Variants in COL21A1 observed in about 807,000 individuals in gnomAD.
The protein encoded by COL21A1 is collagen type XXI alpha 1 chain, also known as collagen alpha-1(XXI) chain.
Under a neutral mutation model 137.9 loss-of-function variants are expected in COL21A1, and 149 were observed. The observed-to-expected ratio is 1.08, with a 90% CI of 0.95 to 1.24. The LOEUF (loss-of-function observed/expected upper bound fraction) is 1.24, where lower values mean the gene tolerates loss of function less well. COL21A1 is among the 50% of genes most tolerant of loss of function. The pLI is 0.00. For synonymous variants in COL21A1, 456 were observed against 391.5 expected (o/e 1.16, Z -1.95); for missense variants, 1,167 against 1,158.4 (o/e 1.01, Z -0.11).
chr6:56,353,469 C>A (rs1765762197), intron 1 of COL21A1, among the ~76,000 whole-genome samples: 1 of 152,118 alleles, frequency 6.6e-6, no homozygotes, highest in Non-Finnish European at 1.5e-5. Flanking sequence ...CAGAAGCCTC[C>A]AGATGACCCA....
rs767488083 is a variant in COL21A1 at position 56,061,645 on chromosome 6, A to C, written c.2205+4T>G. On this transcript the variant is annotated splice_donor_region_variant and intron_variant, in intron 25 of 29. Coordinates refer to ENST00000244728, the MANE Select transcript of COL21A1 (RefSeq NM_030820.4). ...AAGAGAGCATAATATATGAAGAAAC[A>C]TACCTCTCCTTTTGCACCATGATGG... 1 of 1,584,586 alleles carries C rather than the reference A, an allele frequency of 6.3e-7. No homozygotes were observed. The highest frequency in any genetic ancestry group is 8.6e-7 in the Non-Finnish European group (1 of 1,158,260).
chr6:56,304,667 T>A (rs968983014), intron 1 of COL21A1, among the ~76,000 whole-genome samples: 1 of 152,232 alleles, frequency 6.6e-6, no homozygotes, highest in African/African-American at 2.4e-5. Context: ...ATGTTGTTGA[T>A]CTTTTCAAAA....
At chr6:56,083,846 T>C (rs1303556653) in intron 17 of COL21A1, among the ~76,000 whole-genome samples, 1 of 152,022 alleles carries the variant, frequency 6.6e-6, no homozygotes, top group African/African-American at 2.4e-5. Flanking sequence ...AAGTAGAGCA[T>C]GGCTAAGTAG....
At chr6:56,265,303 G>A (rs1763368975) in intron 1 of COL21A1, among the ~76,000 whole-genome samples, 2 of 152,166 alleles carry the variant, frequency 1.3e-5, no homozygotes, top group Admixed American at 1.3e-4. Flanking sequence ...AACAGGCAAT[G>A]GAATACATAC....
rs761294480 is a variant in COL21A1 at position 56,077,561 on chromosome 6, A to C, written c.1825T>G (p.Phe609Val). The change falls in exon 18 of 30, where the codon TTT becomes GTT. Residue 609 changes from phenylalanine to valine, a missense_variant. Phe to Val is a conservative substitution (Grantham distance 50). Coordinates refer to ENST00000244728, the MANE Select transcript of COL21A1 (RefSeq NM_030820.4). Reference sequence around the variant, plus strand: ...CCCATTAATCCTCGGTTTCCAGGAAATCCTGGGATTCCCTAAAAACAAATA... The same window carrying C: ...CCCATTAATCCTCGGTTTCCAGGAACTCCTGGGATTCCCTAAAAACAAATA... ...GTRGEPGIPG[F>V]PGNRGLMGQK... 6.4e-7 allele frequency: 1 copy of C among 1,574,648 alleles called. No individual in the cohort carries two copies. Among genetic ancestry groups the C allele is most frequent in the Non-Finnish European group, 8.6e-7 (1 of 1,158,296 alleles).
intron 1 of COL21A1, among the ~76,000 whole-genome samples, chr6:56,367,494 A>G (rs554420912): frequency 6.6e-6 from 1 of 152,316 alleles, no homozygotes; most frequent in East Asian, 1.9e-4. Context: ...CCACTCTTCT[A>G]CAGTATAATT....
intron 1 of COL21A1, among the ~76,000 whole-genome samples, chr6:56,190,521 G>T (rs1163917833): frequency 2.6e-5 from 4 of 152,154 alleles, no homozygotes; most frequent in Admixed American, 2.6e-4. Context: ...AAAAAGAGGA[G>T]CTGGTATCAT....
At chr6:56,094,824 T>C (rs1769179347) in intron 17 of COL21A1, among the ~76,000 whole-genome samples, 1 of 152,200 alleles carries the variant, frequency 6.6e-6, no homozygotes, top group East Asian at 1.9e-4. Context: ...CTGTAATCCA[T>C]GGAGAGAATT....
At chr6:56,124,431 G>T in intron 14 of COL21A1, 139 bp from the exon 15 acceptor site, 2 of 754,874 alleles carry the variant, frequency 2.6e-6, no homozygotes, top group Non-Finnish European at 4.4e-6. Context: ...TGTTGACTCT[G>T]CAAAGCACTA....
chr6:56,058,313 T>G (rs75332314), intron 29 of COL21A1, among the ~76,000 whole-genome samples: 290 of 152,308 alleles, frequency 1.9e-3, no homozygotes, highest in African/African-American at 6.7e-3. Flanking sequence ...TTCTTATTAC[T>G]TTAGTATTAT....
chr6:56,340,138 C>T (rs1379779777), intron 1 of COL21A1, among the ~76,000 whole-genome samples: 1 of 152,116 alleles, frequency 6.6e-6, no homozygotes, highest in African/African-American at 2.4e-5. Flanking sequence ...ATTGTTTTTC[C>T]TCTCTTATTT....
intron 23 of COL21A1, among the ~76,000 whole-genome samples, chr6:56,066,526 A>G (rs910185980): frequency 6.6e-6 from 1 of 151,942 alleles, no homozygotes; most frequent in Non-Finnish European, 1.5e-5. Context: ...AAACATCATT[A>G]AAATACTGTC....
intron 5 of COL21A1, 48 bp from the exon 6 acceptor site, chr6:56,168,345 A>G (rs775845390): frequency 1.3e-5 from 19 of 1,408,954 alleles, no homozygotes; most frequent in Non-Finnish European, 1.8e-5. Flanking sequence ...CCCTAACAAT[A>G]TTTTATTTTC....
chr6:56,126,490 A>C (rs1412100627), intron 12 of COL21A1: 2 of 212,780 alleles, frequency 9.4e-6, no homozygotes, highest in African/African-American at 2.4e-5. Context: ...ACACTCAGGA[A>C]ACAGTTAACC....
At chr6:56,383,432 G>GAT in intron 1 of COL21A1, among the ~76,000 whole-genome samples, 1 of 152,296 alleles carries the variant, frequency 6.6e-6, no homozygotes, top group African/African-American at 2.4e-5. Flanking sequence ...GTTTTCTTAG[G>GAT]TGACTGGATG....
chr6:56,146,166 T>C (rs193152986), intron 10 of COL21A1, among the ~76,000 whole-genome samples: 6 of 152,218 alleles, frequency 3.9e-5, no homozygotes, highest in Admixed American at 3.9e-4. Context: ...TAAGAATAAA[T>C]TCCAAAGAAA....
chr6:56,276,966 C>G lies in COL21A1; in HGVS notation c.-38-94310G>C, dbSNP rs944394446. 4.8e-5 allele frequency among the ~76,000 whole-genome samples: 6 copies of G among 124,818 alleles called. No homozygotes were observed. In the South Asian group the frequency reaches 1.8e-3, roughly 38 times the overall value. The allele number at this position is 124,818 out of a possible 152,430, so 81.9% of individuals were successfully genotyped here. A position where few individuals can be genotyped will look rare whatever the true frequency, so the allele number is the denominator to read the frequency against. On this transcript the variant is annotated intron_variant, in intron 1 of 28. Coordinates refer to the COL21A1 transcript ENST00000370819. Reference sequence around the variant, plus strand: ...GGGACTACAGGCGCATGCCGCCACGCCTGGCTAATTTATTTTTATTTTTAT... The same window carrying G: ...GGGACTACAGGCGCATGCCGCCACGGCTGGCTAATTTATTTTTATTTTTAT...
chr6:56,192,711 A>G (rs372838426), intron 1 of COL21A1, among the ~76,000 whole-genome samples: 10 of 152,340 alleles, frequency 6.6e-5, no homozygotes, highest in African/African-American at 2.4e-4. Context: ...GATGTGGAGA[A>G]ATAGGAATGC....
chr6:56,173,434 A>C (rs982374017), intron 3 of COL21A1, among the ~76,000 whole-genome samples: 3 of 151,916 alleles, frequency 2.0e-5, no homozygotes, highest in Non-Finnish European at 1.5e-5. Context: ...AAGGGGGGAA[A>C]AGGGAAAAGG....
Sources: allele counts gnomAD v4.1 joint callset (sites outside exome capture counted in the v4.1 genomes callset), GRCh38; gene constraint gnomAD v4.1.1; transcripts MANE v1.5; gene names NCBI Gene and HGNC (gene_info 2026-07-23, HGNC 2026-07-21).